SKA2: variants seen among roughly 807,000 people sequenced by gnomAD.
SKA2 encodes the protein spindle and kinetochore associated complex subunit 2.
SKA2 carries 13 observed loss-of-function variants against 16.9 expected under a neutral mutation model. That is an observed-to-expected ratio of 0.77 (90% CI 0.50 to 1.22). SKA2 has a LOEUF of 1.22. SKA2 is among the 50% of genes most tolerant of loss of function. The probability of loss-of-function intolerance (pLI) is 0.00; values close to 1 mark genes in which losing one functional copy is unlikely to be tolerated. For synonymous variants in SKA2, 47 were observed against 48.5 expected (o/e 0.97, Z 0.13); for missense variants, 107 against 139.7 (o/e 0.77, Z 1.18).
chr17:59,112,895 C>G (rs2046272603), intron 3 of SKA2, among the ~76,000 whole-genome samples: 1 of 152,000 alleles, frequency 6.6e-6, no homozygotes, highest in Non-Finnish European at 1.5e-5. Context: ...ACAGATACAA[C>G]CATCTAATTT....
At chr17:59,150,318 A>G (rs2046567499) in intron 1 of SKA2, among the ~76,000 whole-genome samples, 1 of 152,246 alleles carries the variant, frequency 6.6e-6, no homozygotes, top group Non-Finnish European at 1.5e-5. Flanking sequence ...TATCTCAATA[A>G]AATTCATATT....
chr17:59,142,937 AAAAAAAAAAAAAG>A (rs1002078117), intron 1 of SKA2, among the ~76,000 whole-genome samples: 12 of 144,468 alleles, frequency 8.3e-5, no homozygotes, highest in African/African-American at 3.4e-4. Context: ...CAAAAAAAAA[AAAAAAAAAAAAAG>A]AGAGAGAGAC....
intron 1 of SKA2, among the ~76,000 whole-genome samples, chr17:59,131,589 C>G (rs900215576): frequency 2.0e-5 from 3 of 152,174 alleles, no homozygotes; most frequent in Non-Finnish European, 4.4e-5. Context: ...ATTCATTTCT[C>G]TATGCCTCTC....
At chr17:59,123,231 G>A (rs2046347755) in intron 2 of SKA2, among the ~76,000 whole-genome samples, 1 of 135,740 alleles carries the variant, frequency 7.4e-6, no homozygotes, top group Non-Finnish European at 1.5e-5. Flanking sequence ...ATCTTCCATA[G>A]TACAAAATTC....
At chr17:59,133,950 A>C (rs1291923107) in intron 1 of SKA2, among the ~76,000 whole-genome samples, 1 of 152,214 alleles carries the variant, frequency 6.6e-6, no homozygotes, top group Non-Finnish European at 1.5e-5. Flanking sequence ...TTGGGTACAT[A>C]ATTACAAAGT....
intron 2 of SKA2, among the ~76,000 whole-genome samples, chr17:59,121,128 G>A (rs1308150769): frequency 6.6e-6 from 1 of 150,440 alleles, no homozygotes; most frequent in African/African-American, 2.5e-5. Flanking sequence ...CTCCAGCCTG[G>A]GCGACTGAGG....
chr17:59,119,176 T>C, intron 3 of SKA2, 143 bp downstream of exon 3: 1 of 786,884 alleles, frequency 1.3e-6, no homozygotes, highest in Non-Finnish European at 2.0e-6. Context: ...TAAGAGCTAT[T>C]ATACTTCAGG....
At chr17:59,148,139 CAA>C (rs2046547949) in intron 1 of SKA2, among the ~76,000 whole-genome samples, 1 of 150,584 alleles carries the variant, frequency 6.6e-6, no homozygotes, top group Non-Finnish European at 1.5e-5. Flanking sequence ...CATGCCCAGC[CAA>C]AAAAAGAAAA....
At chr17:59,140,846 A>G (rs927983859) in intron 1 of SKA2, among the ~76,000 whole-genome samples, 6 of 142,356 alleles carry the variant, frequency 4.2e-5, no homozygotes, top group Non-Finnish European at 7.7e-5. Context: ...GATGACCTCA[A>G]TCTCCTGACC....
At chr17:59,154,198 G>GA (rs1198893727) in intron 1 of SKA2, among the ~76,000 whole-genome samples, 3 of 148,168 alleles carry the variant, frequency 2.0e-5, no homozygotes, top group African/African-American at 2.5e-5. Flanking sequence ...GAAAAGAAAA[G>GA]AAAAAAAAGA....
chr17:59,143,624 T>A (rs975916601), intron 1 of SKA2, among the ~76,000 whole-genome samples: 10 of 151,912 alleles, frequency 6.6e-5, no homozygotes, highest in African/African-American at 2.4e-4. Flanking sequence ...TCTGCCCACC[T>A]CAGCCTCCAA....
intron 1 of SKA2, chr17:59,137,916 T>C (rs1224336541): frequency 4.1e-6 from 2 of 484,154 alleles, no homozygotes; most frequent in African/African-American, 4.1e-5. Flanking sequence ...GCAATTATGA[T>C]AATCTAAAAC....
At chr17:59,134,414 A>C (rs1412910164) in intron 1 of SKA2, among the ~76,000 whole-genome samples, 6 of 152,224 alleles carry the variant, frequency 3.9e-5, no homozygotes, top group Non-Finnish European at 8.8e-5. Context: ...TTGTGGCTCC[A>C]GAGATTCCTA....
chr17:59,145,776 T>C (rs992523276), intron 1 of SKA2, among the ~76,000 whole-genome samples: 1 of 151,804 alleles, frequency 6.6e-6, no homozygotes, highest in Non-Finnish European at 1.5e-5. Context: ...ATCATTTGAG[T>C]CCAGGAGTTG....
chr17:59,114,181 T>C (rs894309403), intron 3 of SKA2, among the ~76,000 whole-genome samples: 2 of 152,096 alleles, frequency 1.3e-5, no homozygotes, highest in Admixed American at 1.3e-4. Context: ...AGTTAAAAAA[T>C]AAAGTCCATT....
chr17:59,118,290 T>C (rs2046310309), intron 3 of SKA2: 1 of 152,288 alleles, frequency 6.6e-6, no homozygotes, highest in Admixed American at 6.5e-5. Flanking sequence ...AATCCTCTAT[T>C]ACTATATAAC....
At chr17:59,150,521 G>A (rs2046569014) in intron 1 of SKA2, among the ~76,000 whole-genome samples, 5 of 152,098 alleles carry the variant, frequency 3.3e-5, no homozygotes, top group Admixed American at 3.3e-4. Context: ...AGGACTGTTT[G>A]AGCCCAGGAG....
At chr17:59,148,417 A>T (rs755847754) in intron 1 of SKA2, among the ~76,000 whole-genome samples, 1 of 152,118 alleles carries the variant, frequency 6.6e-6, no homozygotes, top group Non-Finnish European at 1.5e-5. Context: ...CTCTAAAAAA[A>T]TAAAAATAAA....
chr17:59,132,423 G>A (rs1274500792), intron 1 of SKA2, among the ~76,000 whole-genome samples: 1 of 152,176 alleles, frequency 6.6e-6, no homozygotes, highest in Non-Finnish European at 1.5e-5. Context: ...CAGCACTTTG[G>A]GAGGCTGAGG....
Sources: allele counts gnomAD v4.1 joint callset (sites outside exome capture counted in the v4.1 genomes callset), GRCh38; gene constraint gnomAD v4.1.1; transcripts MANE v1.5; gene names NCBI Gene and HGNC (gene_info 2026-07-23, HGNC 2026-07-21).